Variants in TTC3 observed in about 807,000 individuals in gnomAD.
The protein encoded by TTC3 is tetratricopeptide repeat domain 3, also known as E3 ubiquitin-protein ligase TTC3.
A neutral mutation model predicts 249.6 loss-of-function variants in TTC3; 180 were observed. The ratio of observed to expected loss-of-function variants is 0.72; its 90% CI spans 0.64 to 0.82. The LOEUF is 0.82. TTC3 is among the 40% of genes least tolerant of loss of function. The pLI is 0.00. For missense variants in TTC3, 2,061 were observed against 2,398.4 expected (o/e 0.86, Z 2.94); for synonymous variants, 717 against 805.0 (o/e 0.89, Z 1.85).
intron 35 of TTC3, among the ~76,000 whole-genome samples, chr21:37,174,479 G>C (rs1346193703): frequency 6.8e-6 from 1 of 147,428 alleles, no homozygotes; most frequent in Non-Finnish European, 1.5e-5. Flanking sequence ...TACGCTCATA[G>C]CTCATGGAGA....
intron 36 of TTC3, among the ~76,000 whole-genome samples, chr21:37,183,777 T>C (rs569729090): frequency 2.0e-5 from 3 of 152,316 alleles, no homozygotes; most frequent in Admixed American, 6.5e-5. Flanking sequence ...AGCTAAGGAC[T>C]TCAAATGGTG....
At chr21:37,077,636 T>C (rs2071083240) in intron 1 of TTC3, among the ~76,000 whole-genome samples, 1 of 152,224 alleles carries the variant, frequency 6.6e-6, no homozygotes, top group Admixed American at 6.5e-5. Flanking sequence ...ATGGAATGGG[T>C]ATGAAATGAT....
At chr21:37,126,997 G>A (rs1188387686) in intron 15 of TTC3, among the ~76,000 whole-genome samples, 2 of 152,120 alleles carry the variant, frequency 1.3e-5, no homozygotes, top group Non-Finnish European at 2.9e-5. Context: ...TGGGATTACA[G>A]GCATGCACTA....
At chr21:37,090,463 CTCTCT>C (rs1052412159) in intron 6 of TTC3, 177 bp downstream of exon 6, 1 of 626,820 alleles carries the variant, frequency 1.6e-6, no homozygotes, top group African/African-American at 2.5e-5. Flanking sequence ...GGATCATTTT[CTCTCT>C]TTTTTTTTTT....
rs146761600 is a variant in TTC3 at position 37,078,467 on chromosome 21, G to A, written c.-12+5103G>A. 6.6e-3 allele frequency among the ~76,000 whole-genome samples: 1,000 copies of A among 152,108 alleles called. 6 individuals are homozygous for A. The highest frequency in any genetic ancestry group is 0.012 in the Non-Finnish European group (796 of 67,958). ...ATCTCTATTTATGTAAAGTTTTAGT[G>A]TAGTTTTGTAATATTCTCCATAGAG... is the stretch of plus-strand genomic sequence containing the variant. On this transcript the variant is annotated intron_variant, in intron 1 of 45. Coordinates refer to ENST00000355666, the Ensembl canonical transcript of TTC3.
chr21:37,186,397 G>A (rs1402941804), intron 37 of TTC3, among the ~76,000 whole-genome samples: 2 of 151,974 alleles, frequency 1.3e-5, no homozygotes, highest in African/African-American at 2.4e-5. Context: ...AGAGTTTCTG[G>A]CTCAAAGGAT....
intron 19 of TTC3, among the ~76,000 whole-genome samples, chr21:37,139,412 T>G (rs1331952844): frequency 6.6e-6 from 1 of 152,132 alleles, no homozygotes; most frequent in Non-Finnish European, 1.5e-5. Context: ...CATTATAACT[T>G]TGCTTTCTGA....
chr21:37,176,905 GTTTCT>G (rs2082328631), intron 35 of TTC3, among the ~76,000 whole-genome samples: 1 of 152,126 alleles, frequency 6.6e-6, no homozygotes, highest in Non-Finnish European at 1.5e-5. Flanking sequence ...TGTTAGGAAT[GTTTCT>G]CACCACTTTA....
chr21:37,154,362 A>T (rs1569078103), intron 27 of TTC3, among the ~76,000 whole-genome samples: 2 of 152,176 alleles, frequency 1.3e-5, no homozygotes, highest in Non-Finnish European at 1.5e-5. Flanking sequence ...GCCAGAAGAG[A>T]CGATGTAAGA....
chr21:37,170,106 T>C (rs1177871199), intron 34 of TTC3, among the ~76,000 whole-genome samples: 1 of 152,234 alleles, frequency 6.6e-6, no homozygotes, highest in African/African-American at 2.4e-5. Flanking sequence ...AGAATGTTTA[T>C]ATTCATATAC....
intron 28 of TTC3, chr21:37,157,985 A>C (rs578220478): frequency 9.3e-5 from 24 of 256,948 alleles, no homozygotes; most frequent in African/African-American, 5.5e-4. Flanking sequence ...TGTTTGTTTT[A>C]AAGGGTACAT....
intron 14 of TTC3, among the ~76,000 whole-genome samples, chr21:37,125,735 A>C (rs1048432290): frequency 6.6e-6 from 1 of 151,856 alleles, no homozygotes; most frequent in South Asian, 2.1e-4. Flanking sequence ...TCTTACTCCA[A>C]TTTATATTTT....
At position 37,124,664 on chromosome 21, in the gene TTC3, A is replaced by G. The variant is rs1443951939; in HGVS notation, c.1155A>G (p.Ser385=). The G allele has an allele frequency of 6.2e-6, 10 of 1,613,324 alleles. No homozygotes were observed. In the East Asian group the frequency reaches 1.8e-4, roughly 29 times the overall value. The change falls in exon 14 of 46, where the codon TCA becomes TCG. Residue 385 remains serine (S), a synonymous_variant. Transcript: ENST00000355666. ...TATCAGCACCTATATTTACTACTTC[A>G]CTTAACTTTGTGGAGAAGGAAAGAG...
At position 37,088,724 on chromosome 21, in the gene TTC3, T is replaced by C. The variant is rs2046709569; in HGVS notation, c.339-75T>C. 23 of 1,345,538 alleles carry C rather than the reference T, an allele frequency of 1.7e-5. No individual in the cohort carries two copies. The South Asian group carries it at 1.9e-4, about 11-fold the overall frequency. 83.3% of individuals were successfully genotyped at this position (1,345,538 alleles called of 1,614,324 possible). A position where few individuals can be genotyped will look rare whatever the true frequency, so the allele number is the denominator to read the frequency against. ...ACTTATTTTTTAATGGTTTGAGATATATAGCTAAGCATAAAGTTCAATGAA... is the reference window on the plus strand; with the variant it reads ...ACTTATTTTTTAATGGTTTGAGATACATAGCTAAGCATAAAGTTCAATGAA... On this transcript the variant is annotated intron_variant, in intron 4 of 45. Transcript: ENST00000355666.
chr21:37,144,424 A>T, intron 20 of TTC3, 101 bp from the exon 21 acceptor site: 1 of 1,360,698 alleles, frequency 7.3e-7, no homozygotes, highest in Non-Finnish European at 1.0e-6. Flanking sequence ...TGATTCATCA[A>T]ATGTATTCGT....
intron 35 of TTC3, among the ~76,000 whole-genome samples, chr21:37,178,687 C>T (rs1467265608): frequency 2.6e-5 from 4 of 152,094 alleles, no homozygotes; most frequent in African/African-American, 4.8e-5. Flanking sequence ...GGGCCAGGTG[C>T]GGTGGCTTAC....
At chr21:37,194,295 T>C (rs564064513) in intron 41 of TTC3, among the ~76,000 whole-genome samples, 36 of 152,322 alleles carry the variant, frequency 2.4e-4, no homozygotes, top group Admixed American at 6.5e-4. Context: ...ACATAATTCC[T>C]AAGTTTTAAA....
At chr21:37,139,865 A>G (rs1403475551) in intron 19 of TTC3, among the ~76,000 whole-genome samples, 1 of 152,162 alleles carries the variant, frequency 6.6e-6, no homozygotes, top group African/African-American at 2.4e-5. Context: ...TCATCAGAGG[A>G]CAGCCCTTGC....
exon 2 of TTC3, chr21:37,087,327 G>T: frequency 6.2e-7 from 1 of 1,614,078 alleles, no homozygotes; most frequent in Non-Finnish European, 8.5e-7. Flanking sequence ...CCCTCACGTG[G>T]ATGATTGTGT....
Sources: allele counts gnomAD v4.1 joint callset (sites outside exome capture counted in the v4.1 genomes callset), GRCh38; gene constraint gnomAD v4.1.1; transcripts MANE v1.5; gene names NCBI Gene and HGNC (gene_info 2026-07-23, HGNC 2026-07-21).